The following MGST1 variants were observed in gnomAD, a reference collection of about 807,000 sequenced individuals.
The protein encoded by MGST1 is glutathione S-transferase 12.
Under a neutral mutation model 8.9 loss-of-function variants are expected in MGST1, and 5 were observed. The observed-to-expected ratio is 0.56, with a 90% CI of 0.29 to 1.19. The LOEUF is 1.19. Ranked by LOEUF, MGST1 falls within the 50% of genes most tolerant of loss-of-function variation. The pLI, the probability that MGST1 is intolerant of heterozygous loss-of-function variation, is 0.08. For synonymous variants in MGST1, 54 were observed against 67.8 expected (o/e 0.80, Z 1.00); for missense variants, 182 against 187.4 (o/e 0.97, Z 0.17).
chr12:16,459,505 T>C (rs528887730), intron 4 of MGST1, among the ~76,000 whole-genome samples: 1 of 152,256 alleles, frequency 6.6e-6, no homozygotes, highest in East Asian at 1.9e-4. Context: ...ATCCAAGTCA[T>C]AGGTCATGGA....
At chr12:16,531,515 G>A (rs1227279847) in intron 4 of MGST1, among the ~76,000 whole-genome samples, 3 of 152,138 alleles carry the variant, frequency 2.0e-5, no homozygotes, top group Non-Finnish European at 1.5e-5. Context: ...CCAGTACTCA[G>A]GAGGCTGAGG....
chr12:16,457,708 A>T (rs1941186896), intron 4 of MGST1, among the ~76,000 whole-genome samples: 1 of 151,980 alleles, frequency 6.6e-6, no homozygotes, highest in Non-Finnish European at 1.5e-5. Flanking sequence ...TGTAATTCTA[A>T]GGTGACTCCT....
chr12:16,577,394 G>A (rs1025651289), intron 4 of MGST1, among the ~76,000 whole-genome samples: 4 of 152,048 alleles, frequency 2.6e-5, no homozygotes, highest in Admixed American at 2.6e-4. Flanking sequence ...ATTTTCCTAA[G>A]TAGTTGGCAG....
intron 4 of MGST1, among the ~76,000 whole-genome samples, chr12:16,507,778 C>G (rs935148330): frequency 6.6e-6 from 1 of 152,000 alleles, no homozygotes; most frequent in Admixed American, 6.6e-5. Flanking sequence ...ATCATGAGAA[C>G]AACAGGGAGG....
At position 16,349,743 on chromosome 12, in the gene MGST1, CT is replaced by C. The variant is rs760899357; in HGVS notation, c.-23+2052del. Among the ~76,000 whole-genome samples, 643 of 127,386 alleles carry C rather than the reference CT, an allele frequency of 5.0e-3. 1 individual carries two copies. The highest frequency in any genetic ancestry group is 0.014 in the African/African-American group (481 of 33,262). 83.6% of individuals were successfully genotyped at this position (127,386 alleles called of 152,430 possible). On this transcript the variant is annotated intron_variant, in intron 1 of 3. Coordinates refer to ENST00000396210, the MANE Select transcript of MGST1 (RefSeq NM_020300.5). The stretch of plus-strand genomic sequence containing the variant: ...CAGCATTTAACAGGTCCCAGAGCTT[CT>C]TTTTTTTTTTTTTTTTTTGAGACGG...
At chr12:16,450,454 A>G (rs563187707) in intron 4 of MGST1, among the ~76,000 whole-genome samples, 2 of 152,082 alleles carry the variant, frequency 1.3e-5, no homozygotes, top group East Asian at 3.9e-4. Flanking sequence ...ACTGAAACAA[A>G]GGAAGAGTCC....
At chr12:16,446,468 TG>T (rs905450660) in intron 4 of MGST1, among the ~76,000 whole-genome samples, 3 of 151,888 alleles carry the variant, frequency 2.0e-5, no homozygotes, top group Non-Finnish European at 4.4e-5. Flanking sequence ...GCATTTTTTT[TG>T]GTTATATAAT....
rs540263983 is a variant in MGST1, at chr12:16,385,587, A to G, written n.778+1983A>G. Among the ~76,000 whole-genome samples the G allele has an allele frequency of 4.6e-5, 7 of 152,276 alleles. No individual in the cohort carries two copies. The South Asian group carries it at 1.2e-3, about 27-fold the overall frequency. On this transcript the variant is annotated intron_variant and non_coding_transcript_variant, in intron 1 of 1. Coordinates refer to the MGST1 transcript ENST00000359720. ...CAATTTATTTGCACATCTGCCTGGG[A>G]AAAAGTCTGTTTCAAACAATGATAA...
In MGST1 at chr12:16,413,142, G is replaced by A. The variant is rs896714305; in HGVS notation, n.779-24246G>A. Among the ~76,000 whole-genome samples, 7 of 152,120 alleles carry A rather than the reference G, an allele frequency of 4.6e-5. No homozygotes were observed. The highest frequency in any genetic ancestry group is 4.6e-4 in the Admixed American group (7 of 15,268). ...ACTTTAAAAGAAAGGAAGGAGAAGA[G>A]AGACCAGCAAATTAGCATCAAGAGA... On this transcript the variant is annotated intron_variant and non_coding_transcript_variant, in intron 1 of 1. Transcript: ENST00000359720. This position sits in a 1 kb window ranked among gnomAD's most constrained non-coding sequence, Gnocchi z 4.0.
At chr12:16,529,494 C>T (rs1941709410) in intron 4 of MGST1, among the ~76,000 whole-genome samples, 1 of 151,998 alleles carries the variant, frequency 6.6e-6, no homozygotes, top group Non-Finnish European at 1.5e-5. Flanking sequence ...ACAAGTCTAT[C>T]AACAATTTCA....
At chr12:16,499,845 C>T (rs1203832180) in intron 4 of MGST1, among the ~76,000 whole-genome samples, 2 of 152,146 alleles carry the variant, frequency 1.3e-5, no homozygotes, top group Admixed American at 6.5e-5. Flanking sequence ...GATAGCACTG[C>T]ATTCTTCTTA....
chr12:16,539,926 A>T (rs1941782939), intron 4 of MGST1, among the ~76,000 whole-genome samples: 1 of 152,244 alleles, frequency 6.6e-6, no homozygotes, highest in East Asian at 1.9e-4. Context: ...TACTAGTTTA[A>T]GTTCCTTTAA....
chr12:16,396,514 T>G (rs1409428797), intron 1 of MGST1, among the ~76,000 whole-genome samples: 1 of 152,116 alleles, frequency 6.6e-6, no homozygotes, highest in Non-Finnish European at 1.5e-5. Flanking sequence ...TTGCTGATGA[T>G]ATGATTGTAT....
At chr12:16,571,976 T>A (rs1346337164) in intron 4 of MGST1, among the ~76,000 whole-genome samples, 1 of 151,954 alleles carries the variant, frequency 6.6e-6, no homozygotes, top group African/African-American at 2.4e-5. Context: ...CAAAGTGGGA[T>A]TTAAGAGAAA....
chr12:16,388,154 C>G (rs73064197), intron 1 of MGST1, among the ~76,000 whole-genome samples: 70,347 of 150,152 alleles, frequency 0.47, 16,592 homozygotes, highest in East Asian at 0.73. Flanking sequence ...AAAGTGATGA[C>G]AAAAACTGCA....
intron 4 of MGST1, among the ~76,000 whole-genome samples, chr12:16,562,837 T>G (rs1270522946): frequency 6.6e-6 from 1 of 152,214 alleles, no homozygotes; most frequent in East Asian, 1.9e-4. Context: ...CTCTGATGGC[T>G]GCCCGTACGG....
intron 1 of MGST1, among the ~76,000 whole-genome samples, chr12:16,385,190 A>G (rs563154503): frequency 5.9e-5 from 9 of 152,218 alleles, no homozygotes; most frequent in South Asian, 2.1e-4. Context: ...CCTCCCCAGT[A>G]TAAAGTTCTT....
At position 16,584,444 on chromosome 12, in the gene MGST1, A is replaced by G. The variant is rs1270040453; in HGVS notation, n.483-5084A>G. On this transcript the variant is annotated intron_variant and non_coding_transcript_variant, in intron 4 of 4. Coordinates refer to the MGST1 transcript ENST00000538857. This position sits in a 1 kb window ranked among gnomAD's most constrained non-coding sequence, Gnocchi z 5.2. ...CTGGCCAAAAGATTGTGGACACAGC[A>G]AAAGTTATTGACAAGGACATGAGGT... Among the ~76,000 whole-genome samples, 1 of 152,216 alleles carries G rather than the reference A, an allele frequency of 6.6e-6. No homozygotes were observed. The highest frequency in any genetic ancestry group is 1.9e-4 in the East Asian group (1 of 5,184).
At chr12:16,481,910 C>T (rs1484806986) in intron 4 of MGST1, among the ~76,000 whole-genome samples, 2 of 151,860 alleles carry the variant, frequency 1.3e-5, no homozygotes, top group Non-Finnish European at 2.9e-5. Context: ...GAATTCCTAA[C>T]AGGAAAAATT....
Sources: allele counts gnomAD v4.1 joint callset (sites outside exome capture counted in the v4.1 genomes callset), GRCh38; gene constraint gnomAD v4.1.1; non-coding constraint Gnocchi (gnomAD v3.1); transcripts MANE v1.5; gene names NCBI Gene and HGNC (gene_info 2026-07-23, HGNC 2026-07-21).